The following CSMD1 variants were observed in gnomAD, a reference collection of about 807,000 sequenced individuals.
CSMD1 encodes CUB and sushi domain-containing protein 1.
A neutral mutation model predicts 417.5 loss-of-function variants in CSMD1; 213 were observed. The observed-to-expected ratio is 0.51, with a 90% CI of 0.46 to 0.57. The LOEUF (loss-of-function observed/expected upper bound fraction) is 0.57. Among genes scored for constraint, CSMD1 ranks in the 20% least tolerant of loss-of-function variants. The pLI, the probability that CSMD1 is intolerant of heterozygous loss-of-function variation, is 0.00. For missense variants in CSMD1, 6,923 were observed against 4,529.7 expected, an observed-to-expected ratio of 1.53 and a Z score of -15.17; for synonymous variants, 2,862 against 1,736.8, an observed-to-expected ratio of 1.65 and a Z score of -16.11.
At position 4,385,434 on chromosome 8, in the gene CSMD1, G is replaced by C. The variant is rs191185286; in HGVS notation, c.415+34519C>G. 2.0e-3 allele frequency among the ~76,000 whole-genome samples: 300 copies of C among 152,274 alleles called. 1 individual carries two copies. Among genetic ancestry groups the C allele is most frequent in the Non-Finnish European group, 3.6e-3 (242 of 68,008 alleles). On this transcript the variant is annotated intron_variant, in intron 3 of 69. Coordinates refer to ENST00000635120, the MANE Select transcript of CSMD1 (RefSeq NM_033225.6). ...CTTGCTACAGCACTGATTTCACTTA[G>C]TACATGTTTCTTTTCTTAGTTTTAT...
Position 4,131,756 on chromosome 8 carries a change from CTTTTTTTTTTTTTT to C in CSMD1, c.416-99671_416-99658del, listed in dbSNP as rs10650865. 6.9e-5 allele frequency among the ~76,000 whole-genome samples: 6 copies of C among 87,436 alleles called. No homozygotes were observed. The South Asian group carries it at 2.8e-3, about 41-fold the overall frequency. The allele number at this position is 87,436 out of a possible 152,430, so 57.4% of individuals were successfully genotyped here. A position where few individuals can be genotyped will look rare whatever the true frequency, so the allele number is the denominator to read the frequency against. ...AGATTAAATTAGTATACAAATGTGA[CTTTTTTTTTTTTTT>C]TTTTTTTTTTGAGACGGAGTCTCGC... On this transcript the variant is annotated intron_variant, in intron 3 of 69. Coordinates refer to ENST00000635120, the MANE Select transcript of CSMD1 (RefSeq NM_033225.6).
intron 3 of CSMD1, among the ~76,000 whole-genome samples, chr8:4,403,493 G>A (rs1389969711): frequency 6.6e-6 from 1 of 152,080 alleles, no homozygotes; most frequent in African/African-American, 2.4e-5. Flanking sequence ...GAAATCCAGT[G>A]AAAAATCACC....
intron 3 of CSMD1, among the ~76,000 whole-genome samples, chr8:4,251,917 G>A (rs1269080711): frequency 6.6e-6 from 1 of 151,430 alleles, no homozygotes; most frequent in Non-Finnish European, 1.5e-5. Context: ...GGATAATGTG[G>A]GAATGGGAAG....
At chr8:4,320,073 A>C (rs998448417) in intron 3 of CSMD1, among the ~76,000 whole-genome samples, 1 of 152,222 alleles carries the variant, frequency 6.6e-6, no homozygotes, top group African/African-American at 2.4e-5. Context: ...CGTTGGTTTT[A>C]CCCAACAAAC....
At chr8:4,689,245 G>C (rs1212665343) in intron 1 of CSMD1, among the ~76,000 whole-genome samples, 1 of 152,144 alleles carries the variant, frequency 6.6e-6, no homozygotes, top group Non-Finnish European at 1.5e-5. Context: ...TAAACCAAGC[G>C]TAACAGTATG....
At chr8:4,257,188 C>G (rs1278216576) in intron 3 of CSMD1, among the ~76,000 whole-genome samples, 7 of 87,106 alleles carry the variant, frequency 8.0e-5, no homozygotes, top group Non-Finnish European at 1.6e-4. Context: ...AATTATGGTA[C>G]TACATTTTTA....
At chr8:3,888,769 C>G (rs1806740922) in intron 5 of CSMD1, among the ~76,000 whole-genome samples, 1 of 152,102 alleles carries the variant, frequency 6.6e-6, no homozygotes, top group African/African-American at 2.4e-5. Context: ...TCCAAATGGT[C>G]CTTCCATTTG....
At chr8:4,027,244 T>C (rs148026734) in intron 4 of CSMD1, among the ~76,000 whole-genome samples, 9 of 152,270 alleles carry the variant, frequency 5.9e-5, no homozygotes, top group African/African-American at 1.9e-4. Flanking sequence ...CCAAAGTAGT[T>C]TGGCTGATAA....
chr8:3,978,655 G>C (rs896267339), intron 5 of CSMD1, among the ~76,000 whole-genome samples: 10 of 152,040 alleles, frequency 6.6e-5, no homozygotes, highest in African/African-American at 2.2e-4. Context: ...ACCTCCTCGT[G>C]GTGATGATGA....
At chr8:4,013,736 T>C (rs934976552) in intron 4 of CSMD1, among the ~76,000 whole-genome samples, 15 of 152,244 alleles carry the variant, frequency 9.9e-5, no homozygotes, top group South Asian at 2.1e-4. Context: ...TGGCGAACTA[T>C]AGCTTGTGGG....
At chr8:4,358,462 T>C (rs530119437) in intron 3 of CSMD1, among the ~76,000 whole-genome samples, 188 of 152,304 alleles carry the variant, frequency 1.2e-3, no homozygotes, top group African/African-American at 4.3e-3. Flanking sequence ...TGGGGGGAGC[T>C]GCCACTGGCT....
At chr8:4,043,451 G>C (rs1046176637) in intron 3 of CSMD1, among the ~76,000 whole-genome samples, 3 of 152,112 alleles carry the variant, frequency 2.0e-5, no homozygotes, top group Admixed American at 6.5e-5. Flanking sequence ...CATGATAATG[G>C]ATGAAAAATA....
At chr8:4,655,976 G>A (rs1046237058) in intron 1 of CSMD1, among the ~76,000 whole-genome samples, 18 of 152,104 alleles carry the variant, frequency 1.2e-4, no homozygotes, top group African/African-American at 4.4e-4. Flanking sequence ...TTAGTGCAGA[G>A]GGTTGGACAA....
At chr8:3,690,377 T>A (rs1487936483) in intron 7 of CSMD1, among the ~76,000 whole-genome samples, 2 of 152,144 alleles carry the variant, frequency 1.3e-5, no homozygotes, top group African/African-American at 2.4e-5. Flanking sequence ...AAACAAAAAT[T>A]ACCTGAATCT....
At chr8:3,900,768 G>T (rs1807694042) in intron 5 of CSMD1, among the ~76,000 whole-genome samples, 1 of 151,614 alleles carries the variant, frequency 6.6e-6, no homozygotes, top group Non-Finnish European at 1.5e-5. Flanking sequence ...CAGTACAGCT[G>T]GGTGACACTG....
chr8:4,554,315 T>G (rs1048154795), intron 2 of CSMD1, among the ~76,000 whole-genome samples: 2 of 152,198 alleles, frequency 1.3e-5, no homozygotes, highest in South Asian at 4.2e-4. Context: ...TTTCATATTT[T>G]CAGTAGAGAC....
chr8:3,183,861 C>A (rs1203093808), intron 36 of CSMD1, among the ~76,000 whole-genome samples: 1 of 152,214 alleles, frequency 6.6e-6, no homozygotes, highest in Non-Finnish European at 1.5e-5. Context: ...ATTTTCACAA[C>A]AATCACCCCA....
At chr8:4,573,773 A>T (rs891477943) in intron 2 of CSMD1, among the ~76,000 whole-genome samples, 1 of 152,148 alleles carries the variant, frequency 6.6e-6, no homozygotes, top group Non-Finnish European at 1.5e-5. Flanking sequence ...AATTTTATCT[A>T]TGAGCCGCTG....
intron 5 of CSMD1, among the ~76,000 whole-genome samples, chr8:3,767,725 T>C (rs1251227614): frequency 1.3e-5 from 2 of 152,194 alleles, no homozygotes; most frequent in African/African-American, 4.8e-5. Context: ...ATACTTTGCG[T>C]TAAGAGAAGT....
Sources: allele counts gnomAD v4.1 joint callset (sites outside exome capture counted in the v4.1 genomes callset), GRCh38; gene constraint gnomAD v4.1.1; transcripts MANE v1.5; gene names NCBI Gene and HGNC (gene_info 2026-07-23, HGNC 2026-07-21).